The following LMNA variants were observed in gnomAD, a reference collection of about 807,000 sequenced individuals.
LMNA encodes lamin A/C, also known as lamin.
Under a neutral mutation model 70.4 loss-of-function variants are expected in LMNA, and 20 were observed. The ratio of observed to expected loss-of-function variants is 0.28; its 90% CI spans 0.20 to 0.41. The LOEUF (loss-of-function observed/expected upper bound fraction) is 0.41. Ranked by LOEUF, LMNA falls within the 10% of genes least tolerant of loss-of-function variation. The pLI is 1.00. For synonymous variants in LMNA, 339 were observed against 372.8 expected (o/e 0.91, Z 1.04); for missense variants, 652 against 917.2 (o/e 0.71, Z 3.73).
chr1:156,121,046 CTTTTTTTTT>C (rs57371677), intron 1 of LMNA, among the ~76,000 whole-genome samples: 5 of 100,412 alleles, frequency 5.0e-5, no homozygotes, highest in African/African-American at 2.2e-4. Flanking sequence ...CAAATCCATT[CTTTTTTTTT>C]TTTTTTTTTT....
chr1:156,136,916 G>C lies in LMNA; in HGVS notation c.1381-5G>C. ...CGACCTTCCTCTTCCCTATCTTCCC[G>C]GCAGGACCAGTCCATGGGCAATTGG... On this transcript the variant is annotated splice_polypyrimidine_tract_variant and splice_region_variant and intron_variant, in intron 7 of 11. Transcript: ENST00000368300. The surrounding 1 kb of genome is among the most constrained non-coding windows in gnomAD (Gnocchi z 6.1). 1 of 1,612,774 alleles carries C rather than the reference G, an allele frequency of 6.2e-7. No individual in the cohort carries two copies. The highest frequency in any genetic ancestry group is 2.2e-5 in the East Asian group (1 of 44,812).
intron 1 of LMNA, chr1:156,082,728 GA>G (rs1286330790): frequency 3.3e-5 from 5 of 152,192 alleles, no homozygotes; most frequent in Admixed American, 6.5e-5. Flanking sequence ...GAGCGGGTAT[GA>G]AGCTGGCTAA....
At chr1:156,109,859 T>G (rs1484961034), upstream of LMNA, 1 of 150,404 alleles carries the variant, frequency 6.6e-6, no homozygotes, top group African/African-American at 2.5e-5. Context: ...TATATGTAAT[T>G]TTTTTTTTGA....
rs757041809 is a variant in LMNA at position 156,134,812 on chromosome 1, G to A, written c.647G>A (p.Arg216His). 4.2e-5 allele frequency: 67 copies of A among 1,614,060 alleles called. No homozygotes were observed. Among genetic ancestry groups the A allele is most frequent in the Middle Eastern group, 1.6e-4 (1 of 6,084 alleles). The change falls in exon 4 of 12, where the codon CGT becomes CAT. Residue 216 changes from arginine (R) to histidine (H), a missense_variant. Physicochemically the swap from Arg to His is conservative, Grantham distance 29. Coordinates refer to ENST00000368300, the MANE Select transcript of LMNA (RefSeq NM_170707.4). This position sits in a 1 kb window ranked among gnomAD's most constrained non-coding sequence, Gnocchi z 5.3. ...TTCCTCCAACCCTTCCAGGAGCTGC[G>A]TGAGACCAAGCGCCGTCATGAGACC... ...FQKNIYSEEL[R>H]ETKRRHETRL...
At chr1:156,094,762 A>G (rs966710594) in intron 3 of LMNA, among the ~76,000 whole-genome samples, 1 of 150,630 alleles carries the variant, frequency 6.6e-6, no homozygotes, top group African/African-American at 2.4e-5. Context: ...CTTAGCTCCT[A>G]GTGCTTTCTT....
intron 1 of LMNA, among the ~76,000 whole-genome samples, chr1:156,117,928 G>A (rs894061926): frequency 9.3e-5 from 14 of 151,106 alleles, no homozygotes; most frequent in Admixed American, 5.9e-4. Flanking sequence ...TCACCTTCCG[G>A]AATAGCTGAG....
chr1:156,115,917 T>C lies in LMNA; in HGVS notation c.356+643T>C, dbSNP rs549487958. Among the ~76,000 whole-genome samples, 5 of 152,336 alleles carry C rather than the reference T, an allele frequency of 3.3e-5. No individual in the cohort carries two copies. The highest frequency in any genetic ancestry group is 1.2e-4 in the African/African-American group (5 of 41,562). ...GGGAAGTTCTCCCTCACTCTGCCAC[T>C]CTGCGTGTCTGGGACCTTCCTTGGG... On this transcript the variant is annotated intron_variant, in intron 1 of 11. Transcript: ENST00000368300. This position sits in a 1 kb window ranked among gnomAD's most constrained non-coding sequence, Gnocchi z 5.8.
At chr1:156,109,116 G>T (rs527574834) in intron 3 of LMNA, among the ~76,000 whole-genome samples, 1 of 152,162 alleles carries the variant, frequency 6.6e-6, no homozygotes, top group Non-Finnish European at 1.5e-5. Context: ...TAGAGCTATT[G>T]TATTGGTCCA....
intron 1 of LMNA, among the ~76,000 whole-genome samples, chr1:156,127,524 T>C (rs955060984): frequency 7.3e-6 from 1 of 137,348 alleles, no homozygotes; most frequent in Admixed American, 7.2e-5. Flanking sequence ...TTTTTTTTTT[T>C]TTTTTTTTTT....
chr1:156,102,634 C>T (rs2102800545), intron 3 of LMNA, among the ~76,000 whole-genome samples: 1 of 152,316 alleles, frequency 6.6e-6, no homozygotes, highest in Non-Finnish European at 1.5e-5. Flanking sequence ...CCATTTCCAG[C>T]CCCTCCTGGG....
At chr1:156,085,445 C>T (rs1648440958) in intron 2 of LMNA, among the ~76,000 whole-genome samples, 3 of 152,188 alleles carry the variant, frequency 2.0e-5, no homozygotes. Context: ...CTTACTTAAA[C>T]AATACTCCCC....
intron 3 of LMNA, among the ~76,000 whole-genome samples, chr1:156,095,529 G>A (rs1444049259): frequency 2.2e-5 from 3 of 139,258 alleles, no homozygotes; most frequent in Non-Finnish European, 3.1e-5. Context: ...TTTCTTTTTT[G>A]TATTTTTAGT....
chr1:156,126,354 C>G, intron 1 of LMNA: 2 of 791,002 alleles, frequency 2.5e-6, no homozygotes, highest in African/African-American at 3.5e-5. Flanking sequence ...GCTTCTCCCC[C>G]AGATTGGGAG....
At chr1:156,088,819 G>C (rs1326404180) in intron 2 of LMNA, among the ~76,000 whole-genome samples, 1 of 151,908 alleles carries the variant, frequency 6.6e-6, no homozygotes, top group East Asian at 1.9e-4. Flanking sequence ...CTGGCTACTT[G>C]TTTTTGTTAT....
intron 2 of LMNA, among the ~76,000 whole-genome samples, chr1:156,083,938 C>T (rs1229730147): frequency 1.3e-5 from 2 of 152,132 alleles, no homozygotes; most frequent in African/African-American, 2.4e-5. Flanking sequence ...TTTTTCTTCT[C>T]CCTTTACCCC....
Position 156,083,774 on chromosome 1 carries a change from T to TC in LMNA, c.-319+597dup, listed in dbSNP as rs888276755. On this transcript the variant is annotated intron_variant, in intron 2 of 12. Transcript: ENST00000368301. ...GTCTAGATCGCAGAGTGAGACTCCG[T>TC]CCCCCCCACAAAAAAACAAAAACAA... 4.7e-5 allele frequency among the ~76,000 whole-genome samples: 7 copies of TC among 150,008 alleles called. No homozygotes were observed. The South Asian group carries it at 1.1e-3, about 23-fold the overall frequency.
intron 2 of LMNA, among the ~76,000 whole-genome samples, chr1:156,089,818 A>T (rs1443586946): frequency 6.6e-6 from 1 of 152,144 alleles, no homozygotes; most frequent in East Asian, 1.9e-4. Context: ...TGATTTCCCC[A>T]GGGAGAGTAG....
At chr1:156,087,177 A>G (rs11578696) in intron 2 of LMNA, among the ~76,000 whole-genome samples, 12,580 of 151,872 alleles carry the variant, frequency 0.083, 748 homozygotes, top group Non-Finnish European at 0.13. Flanking sequence ...TGCCTTCTCT[A>G]TCTGTCCTAG....
In LMNA at chr1:156,134,785, C is replaced by T. The variant is rs1244747319; in HGVS notation, c.640-20C>T. On this transcript the variant is annotated intron_variant, in intron 3 of 11. Transcript: ENST00000368300. The surrounding 1 kb of genome is among the most constrained non-coding windows in gnomAD (Gnocchi z 5.3). ...CTAATTCTGATTTTGGTTTCTGTGT[C>T]CTTCCTCCAACCCTTCCAGGAGCTG... 6.2e-7 allele frequency: 1 copy of T among 1,614,130 alleles called. No homozygotes were observed. Among genetic ancestry groups the T allele is most frequent in the Non-Finnish European group, 8.5e-7 (1 of 1,180,014 alleles).
Sources: gnomAD v4.1 joint callset for allele counts (sites outside exome capture counted in the v4.1 genomes callset) on GRCh38, gnomAD v4.1.1 for gene constraint, Gnocchi (gnomAD v3.1) non-coding constraint, MANE v1.5 for transcripts, NCBI Gene and HGNC (gene_info 2026-07-23, HGNC 2026-07-21) for gene names.